The following RAP1GAP2 variants were observed in gnomAD, a reference collection of about 807,000 sequenced individuals.
RAP1GAP2 encodes RAP1 GTPase activating protein 2, also known as rap1 GTPase-activating protein 2.
Under a neutral mutation model 95.0 loss-of-function variants are expected in RAP1GAP2, and 27 were observed. The observed-to-expected ratio is 0.28, with a 90% CI of 0.21 to 0.39. The LOEUF is 0.39. Among genes scored for constraint, RAP1GAP2 ranks in the 10% least tolerant of loss-of-function variants. The pLI, the probability that RAP1GAP2 is intolerant of heterozygous loss-of-function variation, is 1.00. For missense variants in RAP1GAP2, 771 were observed against 970.0 expected (o/e 0.79, Z 2.72); for synonymous variants, 373 against 380.9 (o/e 0.98, Z 0.24).
At chr17:2,954,212 C>T (rs1168917894) in intron 3 of RAP1GAP2, among the ~76,000 whole-genome samples, 1 of 152,120 alleles carries the variant, frequency 6.6e-6, no homozygotes, top group Non-Finnish European at 1.5e-5. Context: ...TCACGCCATT[C>T]TCCTGCCTCA....
At chr17:2,930,573 G>A (rs1405932468) in intron 3 of RAP1GAP2, among the ~76,000 whole-genome samples, 2 of 152,234 alleles carry the variant, frequency 1.3e-5, no homozygotes, top group East Asian at 3.9e-4. Flanking sequence ...GGTCTGCAAG[G>A]CAGCACCAGC....
intron 3 of RAP1GAP2, among the ~76,000 whole-genome samples, chr17:2,948,772 G>T (rs1313124431): frequency 1.4e-5 from 2 of 146,918 alleles, no homozygotes; most frequent in East Asian, 2.0e-4. Context: ...AGCTGTGCCT[G>T]TGTGTAGAGC....
Position 2,906,339 on chromosome 17 carries a change from CA to C in RAP1GAP2, c.165+972del, listed in dbSNP as rs2042197967. Among the ~76,000 whole-genome samples, 1 of 152,146 alleles carries C rather than the reference CA, an allele frequency of 6.6e-6. No individual in the cohort carries two copies. The highest frequency in any genetic ancestry group is 2.4e-5 in the African/African-American group (1 of 41,424). On this transcript the variant is annotated intron_variant, in intron 3 of 24. Transcript: ENST00000254695. The surrounding 1 kb of genome is among the most constrained non-coding windows in gnomAD (Gnocchi z 4.3). ...CAACCCATAGGAAGCAGATAAAACCCATCCATCTTCCTGTTGTTGTCCTGTA... is the reference window on the plus strand; with the variant it reads ...CAACCCATAGGAAGCAGATAAAACCCTCCATCTTCCTGTTGTTGTCCTGTA...
At chr17:2,962,503 C>T in intron 4 of RAP1GAP2, 167 bp from the exon 5 acceptor site, 1 of 658,704 alleles carries the variant, frequency 1.5e-6, no homozygotes, top group Non-Finnish European at 2.5e-6. Flanking sequence ...TCACCTGAGG[C>T]TGCTGTGAGG....
intron 3 of RAP1GAP2, among the ~76,000 whole-genome samples, chr17:2,917,217 TAC>T (rs1032785796): frequency 1.7e-4 from 26 of 152,128 alleles, no homozygotes; most frequent in African/African-American, 6.0e-4. Flanking sequence ...TAGCTAAGAA[TAC>T]AGTTTCTGGA....
chr17:2,894,943 A>G (rs2073838936), intron 2 of RAP1GAP2, among the ~76,000 whole-genome samples: 1 of 152,140 alleles, frequency 6.6e-6, no homozygotes, highest in South Asian at 2.1e-4. Context: ...TCTGCAGGTC[A>G]TGGGCACCCC....
At chr17:2,778,771 T>C (rs1381822704) in intron 1 of RAP1GAP2, among the ~76,000 whole-genome samples, 1 of 152,170 alleles carries the variant, frequency 6.6e-6, no homozygotes, top group Non-Finnish European at 1.5e-5. Flanking sequence ...GTGGCTTATT[T>C]GGGAAGCAAT....
At chr17:2,959,725 G>T (rs1005419355) in intron 4 of RAP1GAP2, among the ~76,000 whole-genome samples, 2 of 152,196 alleles carry the variant, frequency 1.3e-5, no homozygotes, top group Non-Finnish European at 2.9e-5. Flanking sequence ...TTCAGTCCTG[G>T]GTTCAGGTTC....
intron 2 of RAP1GAP2, among the ~76,000 whole-genome samples, chr17:2,832,361 A>G (rs553747355): frequency 5.4e-4 from 82 of 151,232 alleles, no homozygotes; most frequent in East Asian, 5.1e-3. Context: ...GATCGAGATC[A>G]TCCTGGCTAA....
chr17:2,758,163 C>A (rs1317320379), intron 1 of RAP1GAP2, among the ~76,000 whole-genome samples: 2 of 146,646 alleles, frequency 1.4e-5, no homozygotes, highest in African/African-American at 5.2e-5. Context: ...GCCACCACGC[C>A]TGGCCACGCC....
chr17:2,807,037 C>G (rs1425821872), intron 2 of RAP1GAP2, among the ~76,000 whole-genome samples: 1 of 151,856 alleles, frequency 6.6e-6, no homozygotes, highest in Non-Finnish European at 1.5e-5. Flanking sequence ...GAATTATGCA[C>G]AACATGGGGC....
chr17:2,899,196 T>C (rs578127861), intron 2 of RAP1GAP2, among the ~76,000 whole-genome samples: 2 of 152,174 alleles, frequency 1.3e-5, no homozygotes, highest in Non-Finnish European at 2.9e-5. Context: ...AGTTTGTTTT[T>C]ATTTTTATTT....
chr17:2,888,651 TC>T lies in RAP1GAP2; in HGVS notation c.81-16632del, dbSNP rs560581620. On this transcript the variant is annotated intron_variant, in intron 2 of 24. Coordinates refer to ENST00000254695, the MANE Select transcript of RAP1GAP2 (RefSeq NM_015085.5). ...GTGCATATATACCACCTTTTCTTTT[TC>T]TTTTTTTTTTTTTTTTTGGAGACGG... Among the ~76,000 whole-genome samples the T allele has an allele frequency of 2.8e-4, 27 of 96,484 alleles. 1 individual carries two copies. The highest frequency in any genetic ancestry group is 4.4e-4 in the Non-Finnish European group (24 of 54,472). The allele number at this position is 96,484 out of a possible 152,430, so 63.3% of individuals were successfully genotyped here.
At chr17:2,852,744 T>A (rs2071916353) in intron 2 of RAP1GAP2, among the ~76,000 whole-genome samples, 1 of 152,066 alleles carries the variant, frequency 6.6e-6, no homozygotes, top group Non-Finnish European at 1.5e-5. Context: ...CTGTGAGTGA[T>A]GCTTCGGAGG....
At chr17:2,846,394 G>A (rs933422426) in intron 2 of RAP1GAP2, among the ~76,000 whole-genome samples, 3 of 151,984 alleles carry the variant, frequency 2.0e-5, no homozygotes, top group Admixed American at 1.3e-4. Context: ...GCTGCTTTCC[G>A]ACTTTGGCGG....
chr17:2,919,920 C>T (rs925564213), intron 3 of RAP1GAP2, among the ~76,000 whole-genome samples: 3 of 151,824 alleles, frequency 2.0e-5, no homozygotes, highest in African/African-American at 2.4e-5. Context: ...AGGCTGGTCT[C>T]GAACTCTTGA....
intron 3 of RAP1GAP2, among the ~76,000 whole-genome samples, chr17:2,911,712 G>GGGGGGGGGGGGT (rs763105935): frequency 7.2e-6 from 1 of 138,328 alleles, no homozygotes; most frequent in Admixed American, 7.5e-5. Flanking sequence ...GGCGGGGTGG[G>GGGGGGGGGGGGT]GCAGCCGGAA....
At chr17:2,946,878 C>T (rs768361652) in intron 3 of RAP1GAP2, among the ~76,000 whole-genome samples, 5 of 152,180 alleles carry the variant, frequency 3.3e-5, no homozygotes, top group Admixed American at 6.5e-5. Context: ...CCTCAGCCTC[C>T]CAAGTAGCTG....
chr17:2,992,347 A>G (rs527638996), intron 12 of RAP1GAP2, among the ~76,000 whole-genome samples: 47 of 151,968 alleles, frequency 3.1e-4, no homozygotes, highest in African/African-American at 1.1e-3. Context: ...TTTTTGGTAG[A>G]GACGGGGTTT....
Sources: gnomAD v4.1 joint callset for allele counts (sites outside exome capture counted in the v4.1 genomes callset) on GRCh38, gnomAD v4.1.1 for gene constraint, Gnocchi (gnomAD v3.1) non-coding constraint, MANE v1.5 for transcripts, NCBI Gene and HGNC (gene_info 2026-07-23, HGNC 2026-07-21) for gene names.